The following RAPGEF1 variants were observed in gnomAD, a reference collection of about 807,000 sequenced individuals.
RAPGEF1 encodes the protein CRK SH3-binding GNRP.
Under a neutral mutation model 143.3 loss-of-function variants are expected in RAPGEF1, and 33 were observed. The ratio of observed to expected loss-of-function variants is 0.23; its 90% confidence interval spans 0.17 to 0.31. The LOEUF (loss-of-function observed/expected upper bound fraction) is 0.31. Ranked by LOEUF, RAPGEF1 falls within the 10% of genes least tolerant of loss-of-function variation. RAPGEF1 has a pLI of 1.00. For missense variants in RAPGEF1, 1,199 were observed against 1,645.4 expected, an observed-to-expected ratio of 0.73 and a Z score of 4.69; for synonymous variants, 629 against 676.5, an observed-to-expected ratio of 0.93 and a Z score of 1.09.
rs145733099 is a variant in RAPGEF1 at position 131,680,266 on chromosome 9, G to A, written c.62-29317C>T. On this transcript the variant is annotated intron_variant, in intron 1 of 26. Coordinates refer to ENST00000683357, the MANE Select transcript of RAPGEF1 (RefSeq NM_001377935.1). The stretch of plus-strand genomic sequence containing the variant: ...TTACCACTTTTTTCTACTGAATCAC[G>A]ACATCATTTTAGCTTTCCATTGGCA... Among the ~76,000 whole-genome samples the A allele has an allele frequency of 1.4e-3, 210 of 152,256 alleles. 5 individuals are homozygous for A. The East Asian group carries it at 0.036, about 26-fold the overall frequency.
chr9:131,684,257 T>G (rs1010826833), intron 1 of RAPGEF1, among the ~76,000 whole-genome samples: 1 of 152,240 alleles, frequency 6.6e-6, no homozygotes, highest in Non-Finnish European at 1.5e-5. Context: ...TACATGTATG[T>G]GTGGACACCT....
chr9:131,620,240 G>T (rs905107609), intron 11 of RAPGEF1, among the ~76,000 whole-genome samples: 1 of 150,838 alleles, frequency 6.6e-6, no homozygotes, highest in Non-Finnish European at 1.5e-5. Context: ...CAAATGGGCC[G>T]AAAATATTTT....
intron 1 of RAPGEF1, among the ~76,000 whole-genome samples, chr9:131,679,716 T>C (rs78989624): frequency 0.13 from 20,072 of 152,124 alleles, 1,483 homozygotes; most frequent in Middle Eastern, 0.31. Flanking sequence ...CAGGGAAGGG[T>C]CTTCATTCAA....
In RAPGEF1 at chr9:131,592,182, A is replaced by G. The variant is rs1477079639; in HGVS notation, c.2691T>C (p.Asp897=). 6.6e-7 allele frequency: 1 copy of G among 1,513,004 alleles called. No homozygotes were observed. Among genetic ancestry groups the G allele is most frequent in the South Asian group, 1.1e-5 (1 of 87,720 alleles). The allele number at this position is 1,513,004 out of a possible 1,614,324, so 93.7% of individuals were successfully genotyped here. ...LVHATETDRK[D]LVLYCEAFLT... Reference sequence around the variant, plus strand: ...GGAATGCCTCGCAGTACAACACCAAATCTAGAGGGAAAAAACAATGCAAAC... The same window carrying G: ...GGAATGCCTCGCAGTACAACACCAAGTCTAGAGGGAAAAAACAATGCAAAC... The change falls in exon 18 of 27, where the codon GAT becomes GAC. Residue 897 remains aspartate (D), a splice_region_variant and synonymous_variant. Transcript: ENST00000683357.
At chr9:131,632,591 T>C (rs1012520556) in intron 5 of RAPGEF1, among the ~76,000 whole-genome samples, 2 of 152,210 alleles carry the variant, frequency 1.3e-5, no homozygotes, top group East Asian at 1.9e-4. Flanking sequence ...TATTTGATAA[T>C]ATGTATCAAT....
chr9:131,697,184 C>T (rs1002200126), intron 1 of RAPGEF1, among the ~76,000 whole-genome samples: 2 of 117,930 alleles, frequency 1.7e-5, no homozygotes, highest in African/African-American at 7.9e-5. Context: ...GGCTTCTCCT[C>T]CATCCCTTCT....
chr9:131,650,797 A>G lies in RAPGEF1; in HGVS notation c.201+13T>C. ...GCAGGTGAGGCCAGGAGAAACATCC[A>G]GAGTCAGCTTACTTTGTTCACAGGC... is the stretch of plus-strand genomic sequence containing the variant. On this transcript the variant is annotated intron_variant, in intron 2 of 26. Coordinates refer to ENST00000683357, the MANE Select transcript of RAPGEF1 (RefSeq NM_001377935.1). The surrounding 1 kb of genome is among the most constrained non-coding windows in gnomAD (Gnocchi z 4.7). 6.2e-7 allele frequency: 1 copy of G among 1,613,080 alleles called. No individual in the cohort carries two copies. Among genetic ancestry groups the G allele is most frequent in the Non-Finnish European group, 8.5e-7 (1 of 1,179,540 alleles).
At chr9:131,687,079 T>C (rs950791754) in intron 1 of RAPGEF1, among the ~76,000 whole-genome samples, 4 of 152,214 alleles carry the variant, frequency 2.6e-5, no homozygotes, top group African/African-American at 7.2e-5. Context: ...CTCTGGCTTC[T>C]TGACAATACT....
rs1216557100 is a variant in RAPGEF1, at chr9:131,628,185, A to G, written c.1018-89T>C. The G allele has an allele frequency of 1.6e-6, 2 of 1,233,172 alleles. No individual in the cohort carries two copies. The highest frequency in any genetic ancestry group is 5.7e-5 in the Admixed American group (2 of 35,106). The allele number at this position is 1,233,172 out of a possible 1,614,324, so 76.4% of individuals were successfully genotyped here. A position where few individuals can be genotyped will look rare whatever the true frequency, so the allele number is the denominator to read the frequency against. On this transcript the variant is annotated intron_variant, in intron 8 of 26. Transcript: ENST00000683357. The surrounding 1 kb of genome is among the most constrained non-coding windows in gnomAD (Gnocchi z 5.7). ...TGAGGCAACCGGTGCATTTACTTAG[A>G]GAAGGAAATACTGCCAGGCGAACTC...
chr9:131,599,828 T>C (rs558179323), intron 15 of RAPGEF1, among the ~76,000 whole-genome samples: 1 of 152,294 alleles, frequency 6.6e-6, no homozygotes, highest in African/African-American at 2.4e-5. Context: ...TAAAAATATG[T>C]GCCTTTAGGC....
intron 1 of RAPGEF1, among the ~76,000 whole-genome samples, chr9:131,709,332 C>G (rs778014767): frequency 6.6e-6 from 1 of 152,102 alleles, no homozygotes; most frequent in African/African-American, 2.4e-5. Flanking sequence ...GGCGACAGAA[C>G]GAGACTCCAT....
intron 18 of RAPGEF1, among the ~76,000 whole-genome samples, chr9:131,591,059 G>A (rs1161630165): frequency 1.3e-5 from 2 of 152,272 alleles, no homozygotes; most frequent in Non-Finnish European, 2.9e-5. Flanking sequence ...CATCTCGCCT[G>A]ACCAGCAAGT....
In RAPGEF1 at chr9:131,655,809, G is replaced by A. The variant is rs577971139; in HGVS notation, c.62-4860C>T. On this transcript the variant is annotated intron_variant, in intron 1 of 26. Transcript: ENST00000683357. This position sits in a 1 kb window ranked among gnomAD's most constrained non-coding sequence, Gnocchi z 4.1. ...TCACCGTGTTAGCCAGGATGGTCTC[G>A]ATCTCCTGACCTCGTGATCCACCTG... Among the ~76,000 whole-genome samples the A allele has an allele frequency of 1.3e-5, 2 of 152,048 alleles. No homozygotes were observed. Among genetic ancestry groups the A allele is most frequent in the South Asian group, 2.1e-4 (1 of 4,834 alleles).
chr9:131,673,736 G>C (rs1197950925), intron 1 of RAPGEF1, among the ~76,000 whole-genome samples: 2 of 152,186 alleles, frequency 1.3e-5, no homozygotes, highest in Admixed American at 1.3e-4. Flanking sequence ...GGGGCCAGGA[G>C]AAAGTCCAAT....
rs55813422 is a variant in RAPGEF1, at chr9:131,649,200, ATTTTTTTTTTT to A, written c.315+918_315+928del. Among the ~76,000 whole-genome samples the A allele has an allele frequency of 2.4e-3, 208 of 87,256 alleles. 1 individual carries two copies. Among genetic ancestry groups the A allele is most frequent in the African/African-American group, 8.7e-3 (190 of 21,914 alleles). 57.2% of individuals were successfully genotyped at this position (87,256 alleles called of 152,430 possible). On this transcript the variant is annotated intron_variant, in intron 3 of 26. Transcript: ENST00000683357. ...GGCGCCTGCCACTATGCCTGGCTAA[ATTTTTTTTTTT>A]TTTTTTTTTTTTTTTGTATTTTTAG...
At chr9:131,579,734 G>T in intron 26 of RAPGEF1, 87 bp from the exon 27 acceptor site, 1 of 1,423,170 alleles carries the variant, frequency 7.0e-7, no homozygotes, top group Non-Finnish European at 9.6e-7. Flanking sequence ...GTGCCGCGGG[G>T]ACCATCCCCA....
intron 1 of RAPGEF1, among the ~76,000 whole-genome samples, chr9:131,697,480 G>A (rs989229045): frequency 6.6e-6 from 1 of 152,202 alleles, no homozygotes. Flanking sequence ...AGGTTTTGAC[G>A]CTTGAATTAG....
At chr9:131,589,126 G>A (rs1953723134) in intron 19 of RAPGEF1, 140 bp from the exon 20 acceptor site, 1 of 787,296 alleles carries the variant, frequency 1.3e-6, no homozygotes, top group East Asian at 2.7e-5. Flanking sequence ...GAAGAGAGCA[G>A]GAGACGAGAG....
chr9:131,680,676 C>A (rs1414244025), intron 1 of RAPGEF1, among the ~76,000 whole-genome samples: 2 of 152,230 alleles, frequency 1.3e-5, no homozygotes, highest in Non-Finnish European at 2.9e-5. Context: ...ATAAGGGATA[C>A]CTTTAGCTAA....
Sources: gnomAD v4.1 joint callset for allele counts (sites outside exome capture counted in the v4.1 genomes callset) on GRCh38, gnomAD v4.1.1 for gene constraint, Gnocchi (gnomAD v3.1) non-coding constraint, MANE v1.5 for transcripts, NCBI Gene and HGNC (gene_info 2026-07-23, HGNC 2026-07-21) for gene names.